Variants in SERPINB10 observed in about 807,000 individuals in gnomAD.
SERPINB10 encodes the protein serpin B10.
In SERPINB10, 35 loss-of-function variants were observed where a neutral mutation model predicts 39.1. That is an observed-to-expected ratio of 0.90 (90% confidence interval 0.68 to 1.19). The LOEUF (loss-of-function observed/expected upper bound fraction) is 1.19, where lower values mean the gene tolerates loss of function less well. Ranked by LOEUF, SERPINB10 falls within the 50% of genes most tolerant of loss-of-function variation. The probability of loss-of-function intolerance (pLI) is 0.00; values close to 1 mark genes in which losing one functional copy is unlikely to be tolerated. For missense variants in SERPINB10, 546 were observed against 460.5 expected, an observed-to-expected ratio of 1.19 and a Z score of -1.70; for synonymous variants, 190 against 158.1, an observed-to-expected ratio of 1.20 and a Z score of -1.52.
intron 2 of SERPINB10, among the ~76,000 whole-genome samples, chr18:63,917,054 C>A (rs904067343): frequency 6.7e-6 from 1 of 149,294 alleles, no homozygotes; most frequent in African/African-American, 2.5e-5. Context: ...AGAAAAAAAA[C>A]AACTAAAATT....
chr18:63,924,399 G>T (rs1362164580), intron 5 of SERPINB10, among the ~76,000 whole-genome samples: 1 of 151,940 alleles, frequency 6.6e-6, no homozygotes, highest in East Asian at 1.9e-4. Flanking sequence ...GTAGCCCATT[G>T]CTGGTACCCA....
At chr18:63,916,978 G>C (rs1383897837) in intron 2 of SERPINB10, among the ~76,000 whole-genome samples, 1 of 152,030 alleles carries the variant, frequency 6.6e-6, no homozygotes, top group East Asian at 1.9e-4. Flanking sequence ...AAATGCTGGG[G>C]TAAACACAAA....
intron 5 of SERPINB10, among the ~76,000 whole-genome samples, chr18:63,927,605 A>G (rs1266044001): frequency 6.7e-6 from 1 of 148,936 alleles, no homozygotes; most frequent in Non-Finnish European, 1.5e-5. Flanking sequence ...ATGAGGGCAG[A>G]GCCCTCCTGA....
chr18:63,925,709 G>A (rs2050176665), intron 5 of SERPINB10, among the ~76,000 whole-genome samples: 1 of 151,940 alleles, frequency 6.6e-6, no homozygotes, highest in Admixed American at 6.6e-5. Flanking sequence ...TCTAGTTAAT[G>A]AATACAGAAG....
Position 63,930,028 on chromosome 18 carries a change from G to A in SERPINB10, c.491-17G>A. On this transcript the variant is annotated splice_polypyrimidine_tract_variant and intron_variant, in intron 5 of 7. Coordinates refer to ENST00000238508, the MANE Select transcript of SERPINB10 (RefSeq NM_005024.3). ...TATTTCTACAAGTCATTTGCAACCT[G>A]CCTTTTGTTCTTACAGGTAAAATCC... 1 of 1,612,044 alleles carries A rather than the reference G, an allele frequency of 6.2e-7. No homozygotes were observed. Among genetic ancestry groups the A allele is most frequent in the Non-Finnish European group, 8.5e-7 (1 of 1,179,068 alleles).
intron 1 of SERPINB10, 69 bp downstream of exon 1, chr18:63,908,109 G>T: frequency 3.9e-6 from 1 of 257,352 alleles, no homozygotes; most frequent in South Asian, 3.8e-5. Flanking sequence ...TGCCCAGCTA[G>T]GTAACAAATA....
intron 5 of SERPINB10, among the ~76,000 whole-genome samples, chr18:63,923,022 A>C (rs1174071455): frequency 6.6e-6 from 1 of 151,994 alleles, no homozygotes; most frequent in Non-Finnish European, 1.5e-5. Flanking sequence ...TTATAGTACT[A>C]TATGGCCACA....
intron 4 of SERPINB10, among the ~76,000 whole-genome samples, chr18:63,919,149 C>A (rs969970876): frequency 1.3e-5 from 2 of 151,628 alleles, no homozygotes; most frequent in East Asian, 2.0e-4. Context: ...AAGGCAGATG[C>A]CTCCATAACA....
chr18:63,916,621 C>A (rs1376461954), intron 2 of SERPINB10, among the ~76,000 whole-genome samples: 1 of 152,074 alleles, frequency 6.6e-6, no homozygotes, highest in Non-Finnish European at 1.5e-5. Context: ...ATGACAGGTT[C>A]ATTAGCTCAA....
chr18:63,923,941 C>A (rs2050163332), intron 5 of SERPINB10, among the ~76,000 whole-genome samples: 2 of 152,024 alleles, frequency 1.3e-5, no homozygotes, highest in African/African-American at 4.8e-5. Context: ...TCTGCTTTGA[C>A]AATTATTTCT....
chr18:63,913,186 C>A (rs1289698591), intron 1 of SERPINB10, among the ~76,000 whole-genome samples: 4 of 151,576 alleles, frequency 2.6e-5, no homozygotes, highest in African/African-American at 9.7e-5. Flanking sequence ...GTTAATCTAG[C>A]CTGCAGTCTA....
intron 4 of SERPINB10, among the ~76,000 whole-genome samples, chr18:63,919,348 G>A (rs1310019226): frequency 6.6e-6 from 1 of 150,956 alleles, no homozygotes; most frequent in Non-Finnish European, 1.5e-5. Flanking sequence ...GATTCTTGTT[G>A]TTTAGAATCC....
At chr18:63,919,282 T>C (rs1456098146) in intron 4 of SERPINB10, among the ~76,000 whole-genome samples, 1 of 150,102 alleles carries the variant, frequency 6.7e-6, no homozygotes, top group Non-Finnish European at 1.5e-5. Context: ...CATTCAACTC[T>C]GCTTAGAAAT....
intron 1 of SERPINB10, among the ~76,000 whole-genome samples, chr18:63,910,599 T>C (rs572575723): frequency 1.3e-5 from 2 of 152,042 alleles, no homozygotes; most frequent in African/African-American, 2.4e-5. Flanking sequence ...CAGCCTCTAG[T>C]GCATCCATGT....
chr18:63,922,895 GT>G (rs1279679801), intron 5 of SERPINB10, among the ~76,000 whole-genome samples: 2 of 151,860 alleles, frequency 1.3e-5, no homozygotes, highest in African/African-American at 4.8e-5. Flanking sequence ...TTAAATTTAA[GT>G]AGCCACATGA....
intron 1 of SERPINB10, among the ~76,000 whole-genome samples, chr18:63,912,975 T>G (rs12327162): frequency 6.6e-6 from 1 of 151,684 alleles, no homozygotes; most frequent in Admixed American, 6.6e-5. Context: ...GATCTGTTCA[T>G]GGTCTCAATA....
At chr18:63,926,854 T>C (rs2050184956) in intron 5 of SERPINB10, among the ~76,000 whole-genome samples, 2 of 152,114 alleles carry the variant, frequency 1.3e-5, no homozygotes, top group South Asian at 2.1e-4. Context: ...ATATAAGATG[T>C]TATCATTTAA....
chr18:63,932,996 T>C, intron 6 of SERPINB10, 52 bp from the exon 7 acceptor site: 1 of 1,537,278 alleles, frequency 6.5e-7, no homozygotes, highest in Non-Finnish European at 8.9e-7. Context: ...GTTGGTGGAA[T>C]ACTTCTTCAA....
chr18:63,931,677 A>AAC (rs1244462486), intron 6 of SERPINB10, among the ~76,000 whole-genome samples: 15 of 152,276 alleles, frequency 9.9e-5, no homozygotes, highest in Admixed American at 9.8e-4. Context: ...TCCCCCCTTC[A>AAC]ACACACACAC....
Sources: gnomAD v4.1 joint callset for allele counts (sites outside exome capture counted in the v4.1 genomes callset) on GRCh38, gnomAD v4.1.1 for gene constraint, MANE v1.5 for transcripts, NCBI Gene and HGNC (gene_info 2026-07-23, HGNC 2026-07-21) for gene names.